The following TMEFF2 variants were observed in gnomAD, a reference collection of about 807,000 sequenced individuals.
TMEFF2 encodes transmembrane protein with EGF like and two follistatin like domains 2.
TMEFF2 carries 28 observed loss-of-function variants against 53.8 expected under a neutral mutation model. The observed-to-expected ratio is 0.52, with a 90% CI of 0.39 to 0.71. The LOEUF is 0.71. TMEFF2 is among the 30% of genes least tolerant of loss of function. The pLI, the probability that TMEFF2 is intolerant of heterozygous loss-of-function variation, is 0.00. For synonymous variants in TMEFF2, 162 were observed against 166.3 expected (o/e 0.97, Z 0.20); for missense variants, 353 against 455.2 (o/e 0.78, Z 2.04).
chr2:192,142,436 A>C (rs966498207), intron 4 of TMEFF2, among the ~76,000 whole-genome samples: 1 of 152,134 alleles, frequency 6.6e-6, no homozygotes, highest in Admixed American at 6.6e-5. Flanking sequence ...AAGTTACACA[A>C]ATTTCTCGTT....
At chr2:192,162,499 C>G (rs1690658478) in intron 4 of TMEFF2, among the ~76,000 whole-genome samples, 1 of 152,126 alleles carries the variant, frequency 6.6e-6, no homozygotes, top group Non-Finnish European at 1.5e-5. Context: ...GGGGAAATAA[C>G]TTCTATTCCA....
chr2:192,077,954 CAG>C (rs1193122469), intron 4 of TMEFF2, among the ~76,000 whole-genome samples: 15 of 152,046 alleles, frequency 9.9e-5, no homozygotes, highest in African/African-American at 3.6e-4. Context: ...AGAAAATAAA[CAG>C]ACTCTAGCAA....
chr2:192,122,858 C>T (rs2356772), intron 4 of TMEFF2, among the ~76,000 whole-genome samples: 70,161 of 151,672 alleles, frequency 0.46, 16,809 homozygotes, highest in East Asian at 0.73. Context: ...AAAAACATAA[C>T]AGAATAGCAA....
At chr2:191,990,416 A>AGTGTGTGTGTGTGTGTGTGT (rs55848067) in intron 7 of TMEFF2, among the ~76,000 whole-genome samples, 2,169 of 147,324 alleles carry the variant, frequency 0.015, 37 homozygotes, top group East Asian at 0.042. Flanking sequence ...TGCTCAGAAT[A>AGTGTGTGTGTGTGTGTGTGT]GTGTGTGTGT....
At chr2:192,037,649 G>GAA (rs1687363154) in intron 5 of TMEFF2, among the ~76,000 whole-genome samples, 2 of 16,540 alleles carry the variant, frequency 1.2e-4, no homozygotes, top group Admixed American at 2.0e-3. Flanking sequence ...GAGAAAGAGA[G>GAA]AGAGAGAGAG....
intron 4 of TMEFF2, among the ~76,000 whole-genome samples, chr2:192,129,840 G>A (rs1476867626): frequency 1.3e-5 from 2 of 152,142 alleles, no homozygotes; most frequent in African/African-American, 4.8e-5. Context: ...TATTTGTCAT[G>A]CCAAGTCTTT....
In TMEFF2 at chr2:191,999,079, C is replaced by G. The variant is rs1402964223; in HGVS notation, c.666G>C (p.Met222Ile). The G allele has an allele frequency of 1.2e-6, 2 of 1,609,932 alleles. No individual in the cohort carries two copies. Among genetic ancestry groups the G allele is most frequent in the Non-Finnish European group, 1.7e-6 (2 of 1,177,178 alleles). Reference sequence around the variant, plus strand: ...CATTACCTTGACATCGACCCAAAGACATGACTTCAATTTTCTCCTGTTTCT... The same window carrying G: ...CATTACCTTGACATCGACCCAAAGAGATGACTTCAATTTTCTCCTGTTTCT... The part of the protein sequence containing the change: ...SCQKQEKIEV[M>I]SLGRCQDNTT... The change falls in exon 6 of 10, where the codon ATG (methionine) becomes ATC (isoleucine). Residue 222 changes from methionine to isoleucine, a missense_variant. Transcript: ENST00000272771.
chr2:192,084,230 T>G (rs1688616571), intron 4 of TMEFF2, among the ~76,000 whole-genome samples: 2 of 152,208 alleles, frequency 1.3e-5, no homozygotes, highest in African/African-American at 4.8e-5. Context: ...AAGGCTGATT[T>G]TTTTGCTGTA....
chr2:191,993,859 C>G (rs1212713753), intron 7 of TMEFF2, among the ~76,000 whole-genome samples: 1 of 152,026 alleles, frequency 6.6e-6, no homozygotes, highest in East Asian at 1.9e-4. Flanking sequence ...AGATTTTATT[C>G]ATTTTATGTT....
chr2:192,118,348 T>C (rs753963484), intron 4 of TMEFF2, among the ~76,000 whole-genome samples: 6 of 152,128 alleles, frequency 3.9e-5, no homozygotes, highest in African/African-American at 7.2e-5. Flanking sequence ...GGCAACCACT[T>C]TGCAGTAAAA....
chr2:192,005,769 T>C (rs1207274972), intron 5 of TMEFF2, among the ~76,000 whole-genome samples: 1 of 152,150 alleles, frequency 6.6e-6, no homozygotes, highest in African/African-American at 2.4e-5. Flanking sequence ...ATGAACTGCA[T>C]TATATTAATA....
chr2:192,023,080 G>A (rs139818600), intron 5 of TMEFF2, among the ~76,000 whole-genome samples: 67 of 152,118 alleles, frequency 4.4e-4, no homozygotes, highest in African/African-American at 1.5e-3. Context: ...TATGCAAGTT[G>A]TACGGATTGT....
At chr2:192,123,135 T>C (rs1689597707) in intron 4 of TMEFF2, among the ~76,000 whole-genome samples, 1 of 152,196 alleles carries the variant, frequency 6.6e-6, no homozygotes, top group Non-Finnish European at 1.5e-5. Flanking sequence ...CTTTGGCAAG[T>C]TGTAGTTCAT....
chr2:191,963,528 T>C (rs1692330435), intron 7 of TMEFF2, among the ~76,000 whole-genome samples: 1 of 152,196 alleles, frequency 6.6e-6, no homozygotes, highest in Non-Finnish European at 1.5e-5. Flanking sequence ...TCAGGTGATG[T>C]AACCGTTTTC....
chr2:192,101,368 G>GA (rs1181139373), intron 4 of TMEFF2, among the ~76,000 whole-genome samples: 13 of 151,782 alleles, frequency 8.6e-5, no homozygotes, highest in Non-Finnish European at 1.8e-4. Context: ...ATTAAAAAAT[G>GA]AAAAAAACTC....
At chr2:192,192,440 C>A (rs768495296) in intron 1 of TMEFF2, among the ~76,000 whole-genome samples, 1 of 152,106 alleles carries the variant, frequency 6.6e-6, no homozygotes, top group Non-Finnish European at 1.5e-5. Context: ...ACGACTGAAA[C>A]AACCCCTTAT....
intron 7 of TMEFF2, among the ~76,000 whole-genome samples, chr2:191,984,908 TATC>T (rs1229615041): frequency 1.3e-5 from 2 of 152,110 alleles, no homozygotes; most frequent in African/African-American, 4.8e-5. Context: ...CCATCATCCT[TATC>T]ATCTAATTTT....
At chr2:192,094,784 CT>C (rs1688866230) in intron 4 of TMEFF2, among the ~76,000 whole-genome samples, 1 of 152,118 alleles carries the variant, frequency 6.6e-6, no homozygotes, top group African/African-American at 2.4e-5. Context: ...TTCCTCTCCT[CT>C]AGTAACTGTT....
chr2:192,152,224 T>A (rs1284252226), intron 4 of TMEFF2, among the ~76,000 whole-genome samples: 2 of 151,912 alleles, frequency 1.3e-5, no homozygotes, highest in Non-Finnish European at 2.9e-5. Flanking sequence ...AGTGAAGGCT[T>A]GTCTTTTGTA....
Sources: gnomAD v4.1 joint callset for allele counts (sites outside exome capture counted in the v4.1 genomes callset) on GRCh38, gnomAD v4.1.1 for gene constraint, MANE v1.5 for transcripts, NCBI Gene and HGNC (gene_info 2026-07-23, HGNC 2026-07-21) for gene names.